PTPRN2: variants seen among roughly 807,000 people sequenced by gnomAD.
PTPRN2 encodes receptor-type tyrosine-protein phosphatase N2.
In PTPRN2, 74 loss-of-function variants were observed where a neutral mutation model predicts 118.8. The ratio of observed to expected loss-of-function variants is 0.62; its 90% CI spans 0.52 to 0.76. The LOEUF (loss-of-function observed/expected upper bound fraction) is 0.76. Ranked by LOEUF, PTPRN2 falls within the 30% of genes least tolerant of loss-of-function variation. PTPRN2 has a pLI of 0.00. For missense variants in PTPRN2, 1,481 were observed against 1,394.4 expected (o/e 1.06, Z -0.99); for synonymous variants, 641 against 608.0 (o/e 1.05, Z -0.80).
At chr7:157,804,313 C>A (rs1805495790) in intron 12 of PTPRN2, among the ~76,000 whole-genome samples, 1 of 152,240 alleles carries the variant, frequency 6.6e-6, no homozygotes, top group South Asian at 2.1e-4. Flanking sequence ...GGGAATTTTT[C>A]TTCCATGTCT....
At chr7:157,749,277 C>T (rs1421138004) in intron 12 of PTPRN2, among the ~76,000 whole-genome samples, 10 of 80,952 alleles carry the variant, frequency 1.2e-4, no homozygotes, top group South Asian at 4.6e-4. Flanking sequence ...CTGTGAACTG[C>T]CCGGGTGATT....
At chr7:157,757,735 C>T (rs1801880239) in intron 12 of PTPRN2, among the ~76,000 whole-genome samples, 1 of 151,864 alleles carries the variant, frequency 6.6e-6, no homozygotes, top group Non-Finnish European at 1.5e-5. Context: ...AAAAACCTAG[C>T]CTTGCAAAAC....
chr7:158,130,977 C>G (rs1183636697), intron 9 of PTPRN2, among the ~76,000 whole-genome samples: 1 of 151,408 alleles, frequency 6.6e-6, no homozygotes, highest in Non-Finnish European at 1.5e-5. Flanking sequence ...CACATATACA[C>G]AAACACACAT....
chr7:158,263,495 C>T (rs1450059861), intron 3 of PTPRN2, among the ~76,000 whole-genome samples: 1 of 152,268 alleles, frequency 6.6e-6, no homozygotes, highest in Non-Finnish European at 1.5e-5. Flanking sequence ...CTTCCTCACC[C>T]CATGCTGCCT....
At chr7:158,549,946 C>A (rs578135707) in intron 1 of PTPRN2, among the ~76,000 whole-genome samples, 2 of 152,336 alleles carry the variant, frequency 1.3e-5, no homozygotes, top group East Asian at 3.9e-4. Context: ...GGAAGCAGGC[C>A]TGGGAGCCCT....
At chr7:157,873,809 G>C in intron 12 of PTPRN2, among the ~76,000 whole-genome samples, 1 of 152,152 alleles carries the variant, frequency 6.6e-6, no homozygotes, top group East Asian at 1.9e-4. Flanking sequence ...CACACTGGGG[G>C]CACAGGTCAG....
At chr7:158,322,850 C>A (rs181300012) in intron 2 of PTPRN2, among the ~76,000 whole-genome samples, 131 of 152,364 alleles carry the variant, frequency 8.6e-4, no homozygotes, top group Middle Eastern at 3.4e-3. Flanking sequence ...ATCTCCCTGG[C>A]AAGGGCTGGA....
At chr7:157,988,738 A>T (rs779494681) in intron 11 of PTPRN2, among the ~76,000 whole-genome samples, 8 of 152,126 alleles carry the variant, frequency 5.3e-5, no homozygotes, top group Non-Finnish European at 1.2e-4. Flanking sequence ...CTAAAAAACC[A>T]CCTACAAGAA....
chr7:157,952,488 G>A (rs1187204473), intron 11 of PTPRN2, among the ~76,000 whole-genome samples: 3 of 151,460 alleles, frequency 2.0e-5, no homozygotes, highest in Non-Finnish European at 4.4e-5. Context: ...GGAGACAGGC[G>A]AGGGTGGGGA....
At chr7:157,695,583 A>G (rs910901534) in intron 12 of PTPRN2, among the ~76,000 whole-genome samples, 4 of 152,232 alleles carry the variant, frequency 2.6e-5, no homozygotes, top group Non-Finnish European at 5.9e-5. Context: ...TTTGAAAACA[A>G]GATGTTTTGA....
intron 1 of PTPRN2, chr7:158,532,934 C>T: frequency 2.5e-6 from 1 of 405,988 alleles, no homozygotes; most frequent in Non-Finnish European, 5.2e-6. Flanking sequence ...TGACTGGCCT[C>T]TCTCTACCAA....
chr7:158,269,708 C>T (rs545008746), intron 3 of PTPRN2, among the ~76,000 whole-genome samples: 51 of 151,952 alleles, frequency 3.4e-4, no homozygotes, highest in African/African-American at 1.0e-3. Flanking sequence ...AGTCAGCTGA[C>T]GGCTGGGACC....
At chr7:157,872,964 G>A (rs1811201441) in intron 12 of PTPRN2, among the ~76,000 whole-genome samples, 1 of 152,206 alleles carries the variant, frequency 6.6e-6, no homozygotes, top group Admixed American at 6.5e-5. Flanking sequence ...CCTCTTCCTG[G>A]GACACTTTTC....
At chr7:158,578,008 A>C (rs1375890527) in intron 1 of PTPRN2, among the ~76,000 whole-genome samples, 1 of 152,204 alleles carries the variant, frequency 6.6e-6, no homozygotes, top group Non-Finnish European at 1.5e-5. Flanking sequence ...AGCCAGCCAG[A>C]CACTCACCTC....
chr7:158,441,865 C>G (rs376870489), intron 2 of PTPRN2, among the ~76,000 whole-genome samples: 115 of 27,732 alleles, frequency 4.1e-3, no homozygotes, highest in East Asian at 0.01. Context: ...TAGTGATGGT[C>G]ATGGCAGTGG....
rs374302077 is a variant in PTPRN2 at position 157,813,363 on chromosome 7, C to T, written c.1788+85310G>A. On this transcript the variant is annotated intron_variant, in intron 12 of 22. Transcript: ENST00000389418. This position sits in a 1 kb window ranked among gnomAD's most constrained non-coding sequence, Gnocchi z 4.7. ...AACAAAGACCAAGGACAGCGGGGAA[C>T]GGTGGGGAGGGAAGAGGGTGGGAGA... Among the ~76,000 whole-genome samples the T allele has an allele frequency of 2.0e-5, 3 of 151,922 alleles. No homozygotes were observed. The highest frequency in any genetic ancestry group is 4.4e-5 in the Non-Finnish European group (3 of 67,986).
rs1226296875 is a variant in PTPRN2, at chr7:157,590,827, C to T, written c.2496+4411G>A. On this transcript the variant is annotated intron_variant, in intron 17 of 22. Coordinates refer to ENST00000389418, the MANE Select transcript of PTPRN2 (RefSeq NM_002847.5). The surrounding 1 kb of genome is among the most constrained non-coding windows in gnomAD (Gnocchi z 4.0). ...TTCTTGCTGAGGAACTTGGGGCCCTCCTGGCTCCTCTGCCTCCCAGCAGCC... is the reference window on the plus strand; with the variant it reads ...TTCTTGCTGAGGAACTTGGGGCCCTTCTGGCTCCTCTGCCTCCCAGCAGCC... Among the ~76,000 whole-genome samples, 1 of 152,202 alleles carries T rather than the reference C, an allele frequency of 6.6e-6. No individual in the cohort carries two copies. Among genetic ancestry groups the T allele is most frequent in the Non-Finnish European group, 1.5e-5 (1 of 68,036 alleles).
chr7:157,773,973 C>G (rs1430392072), intron 12 of PTPRN2, among the ~76,000 whole-genome samples: 2 of 152,140 alleles, frequency 1.3e-5, no homozygotes, highest in Admixed American at 6.6e-5. Flanking sequence ...AAGATGCATA[C>G]AAGTTAGCAA....
At chr7:158,192,576 G>A (rs1448380216) in intron 4 of PTPRN2, 81 bp from the exon 5 acceptor site, 5 of 1,448,624 alleles carry the variant, frequency 3.5e-6, no homozygotes, top group Admixed American at 2.5e-5. Context: ...GTGCCTGGGT[G>A]CATGCAAGGG....
Sources: gnomAD v4.1 joint callset for allele counts (sites outside exome capture counted in the v4.1 genomes callset) on GRCh38, gnomAD v4.1.1 for gene constraint, Gnocchi (gnomAD v3.1) non-coding constraint, MANE v1.5 for transcripts, NCBI Gene and HGNC (gene_info 2026-07-23, HGNC 2026-07-21) for gene names.